MSI2: variants seen among roughly 807,000 people sequenced by gnomAD.
MSI2 encodes RNA-binding protein Musashi homolog 2.
MSI2 carries 17 observed loss-of-function variants against 45.6 expected under a neutral mutation model. The ratio of observed to expected loss-of-function variants is 0.37; its 90% CI spans 0.26 to 0.56. MSI2 has a LOEUF of 0.56. Among genes scored for constraint, MSI2 ranks in the 20% least tolerant of loss-of-function variants. The pLI, the probability that MSI2 is intolerant of heterozygous loss-of-function variation, is 0.77. For synonymous variants in MSI2, 156 were observed against 158.2 expected, an observed-to-expected ratio of 0.99 and a Z score of 0.11; for missense variants, 293 against 444.2, an observed-to-expected ratio of 0.66 and a Z score of 3.06.
At chr17:57,395,547 T>C (rs2083873179) in intron 5 of MSI2, among the ~76,000 whole-genome samples, 1 of 151,990 alleles carries the variant, frequency 6.6e-6, no homozygotes, top group Non-Finnish European at 1.5e-5. Flanking sequence ...TTGGCAGTTG[T>C]GAGGGTGAGG....
intron 5 of MSI2, among the ~76,000 whole-genome samples, chr17:57,339,501 C>T (rs1598142378): frequency 6.6e-6 from 1 of 152,216 alleles, no homozygotes; most frequent in Middle Eastern, 3.4e-3. Flanking sequence ...TCCCTCGGGC[C>T]CCCTCCCTGT....
chr17:57,638,450 C>T (rs1033193066), intron 10 of MSI2, among the ~76,000 whole-genome samples: 6 of 152,178 alleles, frequency 3.9e-5, no homozygotes, highest in African/African-American at 1.4e-4. Context: ...ATCCCACGTG[C>T]GGCCAGATGT....
At chr17:57,504,478 A>G (rs957396264) in intron 6 of MSI2, among the ~76,000 whole-genome samples, 10 of 152,324 alleles carry the variant, frequency 6.6e-5, no homozygotes, top group Admixed American at 6.5e-4. Context: ...GCCTCGGGCC[A>G]TGAGTGCTTG....
At chr17:57,362,315 A>G (rs1488930712) in intron 5 of MSI2, among the ~76,000 whole-genome samples, 1 of 152,042 alleles carries the variant, frequency 6.6e-6, no homozygotes, top group Non-Finnish European at 1.5e-5. Context: ...GATATGGGAA[A>G]TCTTGTCTTT....
At chr17:57,674,626 T>C (rs755733228) in intron 11 of MSI2, among the ~76,000 whole-genome samples, 1 of 151,848 alleles carries the variant, frequency 6.6e-6, no homozygotes, top group Non-Finnish European at 1.5e-5. Flanking sequence ...CTCTCTCTCT[T>C]CCATATATAT....
At chr17:57,662,918 G>A (rs1912093401) in intron 11 of MSI2, among the ~76,000 whole-genome samples, 1 of 152,264 alleles carries the variant, frequency 6.6e-6, no homozygotes, top group South Asian at 2.1e-4. Context: ...CCAGCCTGAA[G>A]AGAATTATTG....
Position 57,307,492 on chromosome 17 carries a change from T to A in MSI2, c.312+45300T>A, listed in dbSNP as rs113547937. On this transcript the variant is annotated intron_variant, in intron 5 of 13. Coordinates refer to ENST00000284073, the MANE Select transcript of MSI2 (RefSeq NM_138962.4). The stretch of plus-strand genomic sequence containing the variant: ...CAGAGTGGAGTGCAGTGGTGCAATC[T>A]CAGCCCTCCGCAACCTCCACCTCCT... 8.0e-3 allele frequency among the ~76,000 whole-genome samples: 1,208 copies of A among 151,578 alleles called. 15 individuals are homozygous for A. Among genetic ancestry groups the A allele is most frequent in the African/African-American group, 0.028 (1,142 of 41,252 alleles).
chr17:57,315,728 G>T (rs753296542), intron 5 of MSI2, among the ~76,000 whole-genome samples: 4 of 152,122 alleles, frequency 2.6e-5, no homozygotes, highest in African/African-American at 4.8e-5. Flanking sequence ...GGATTAGGCA[G>T]GTCACATGGC....
intron 6 of MSI2, among the ~76,000 whole-genome samples, chr17:57,507,906 A>C (rs1366666040): frequency 6.6e-6 from 1 of 152,130 alleles, no homozygotes; most frequent in African/African-American, 2.4e-5. Flanking sequence ...TCAGCCTCCC[A>C]AAGTCCTGAG....
the MSI2 span, among the ~76,000 whole-genome samples, chr17:57,698,926 T>TGC: frequency 0.018 from 2,395 of 134,104 alleles, 222 homozygotes; most frequent in African/African-American, 0.072. Context: ...TGTGTGTGTG[T>TGC]GTGTGTGTGT....
At chr17:57,396,420 C>CACACAT (rs1053842492) in intron 5 of MSI2, among the ~76,000 whole-genome samples, 2 of 151,570 alleles carry the variant, frequency 1.3e-5, no homozygotes, top group Admixed American at 6.6e-5. Context: ...ACACCACACA[C>CACACAT]ACACACACAC....
At chr17:57,547,667 G>T (rs1276062825) in intron 7 of MSI2, among the ~76,000 whole-genome samples, 2 of 150,326 alleles carry the variant, frequency 1.3e-5, no homozygotes, top group Non-Finnish European at 3.0e-5. Flanking sequence ...ATTTTAAGAA[G>T]AAAATCAGTT....
intron 5 of MSI2, among the ~76,000 whole-genome samples, chr17:57,296,343 G>A (rs768288940): frequency 2.6e-5 from 4 of 152,060 alleles, no homozygotes; most frequent in Admixed American, 6.6e-5. Context: ...ATATATGGCC[G>A]ACTGCAATTA....
At chr17:57,319,450 A>G (rs1412030535) in intron 5 of MSI2, among the ~76,000 whole-genome samples, 1 of 152,238 alleles carries the variant, frequency 6.6e-6, no homozygotes, top group African/African-American at 2.4e-5. Context: ...AATCCAGTGC[A>G]TCTTACAAAT....
intron 7 of MSI2, among the ~76,000 whole-genome samples, chr17:57,536,325 G>C (rs867991361): frequency 2.0e-5 from 3 of 152,284 alleles, no homozygotes; most frequent in East Asian, 3.9e-4. Flanking sequence ...TGACAAAAAC[G>C]ATCAGACCCT....
chr17:57,400,297 C>G (rs1000437880), intron 5 of MSI2, among the ~76,000 whole-genome samples: 1 of 151,318 alleles, frequency 6.6e-6, no homozygotes, highest in African/African-American at 2.4e-5. Flanking sequence ...ATAGCCTAAA[C>G]TCAGTCTTTA....
chr17:57,585,856 A>G (rs2088331744), intron 7 of MSI2, among the ~76,000 whole-genome samples: 1 of 152,224 alleles, frequency 6.6e-6, no homozygotes, highest in Non-Finnish European at 1.5e-5. Context: ...GCAGATGCGG[A>G]GGCGGCACGT....
chr17:57,395,493 C>T (rs967679736), intron 5 of MSI2, among the ~76,000 whole-genome samples: 5 of 151,932 alleles, frequency 3.3e-5, no homozygotes, highest in Non-Finnish European at 5.9e-5. Context: ...AGGGTGGCTC[C>T]GAGGGTGATG....
intron 6 of MSI2, among the ~76,000 whole-genome samples, chr17:57,511,558 C>T (rs941107391): frequency 4.6e-5 from 7 of 152,118 alleles, no homozygotes; most frequent in Admixed American, 1.3e-4. Flanking sequence ...GGGGTGTTGC[C>T]CTGGGGAGGC....
Sources: gnomAD v4.1 joint callset for allele counts (sites outside exome capture counted in the v4.1 genomes callset) on GRCh38, gnomAD v4.1.1 for gene constraint, MANE v1.5 for transcripts, NCBI Gene and HGNC (gene_info 2026-07-23, HGNC 2026-07-21) for gene names.